Variants in MCM9 observed in about 807,000 individuals in gnomAD.
MCM9 encodes DNA helicase MCM9.
MCM9 carries 55 observed loss-of-function variants against 72.8 expected under a neutral mutation model. That is an observed-to-expected ratio of 0.76 (90% confidence interval 0.61 to 0.95). MCM9 has a LOEUF of 0.95. Ranked by LOEUF, MCM9 falls within the 40% of genes least tolerant of loss-of-function variation. MCM9 has a pLI of 0.00. For synonymous variants in MCM9, 480 were observed against 503.4 expected (o/e 0.95, Z 0.62); for missense variants, 1,279 against 1,377.0 (o/e 0.93, Z 1.13).
chr6:118,832,748 G>A (rs1484446337), intron 9 of MCM9, among the ~76,000 whole-genome samples: 1 of 152,136 alleles, frequency 6.6e-6, no homozygotes, highest in African/African-American at 2.4e-5. Flanking sequence ...TTAAGAAAGT[G>A]CCCTTGTTTT....
chr6:118,833,357 T>C (rs984894143), intron 9 of MCM9, among the ~76,000 whole-genome samples: 4 of 152,016 alleles, frequency 2.6e-5, no homozygotes, highest in Non-Finnish European at 5.9e-5. Context: ...GAAGCAAAAT[T>C]GAAAAAAGCT....
intron 9 of MCM9, among the ~76,000 whole-genome samples, chr6:118,835,801 A>G (rs1244783149): frequency 6.6e-6 from 1 of 152,194 alleles, no homozygotes; most frequent in Non-Finnish European, 1.5e-5. Context: ...GCAGACAGAA[A>G]CAATTTGACT....
intron 6 of MCM9, among the ~76,000 whole-genome samples, chr6:118,916,085 T>C (rs1206510406): frequency 6.6e-6 from 1 of 151,954 alleles, no homozygotes; most frequent in Non-Finnish European, 1.5e-5. Flanking sequence ...CTGTTCAGGC[T>C]GGGCACAGTG....
Position 118,933,869 on chromosome 6 carries a change from C to G in MCM9, c.-150+1022G>C, listed in dbSNP as rs181899480. Among the ~76,000 whole-genome samples the G allele has an allele frequency of 6.1e-5, 9 of 146,558 alleles. No homozygotes were observed. In the East Asian group the frequency reaches 1.8e-3, roughly 30 times the overall value. On this transcript the variant is annotated intron_variant, in intron 1 of 13. Coordinates refer to ENST00000619706, the MANE Select transcript of MCM9 (RefSeq NM_017696.3). ...GAGTGGAAATAAATTACGGCCTCCA[C>G]GGTAATTTGTTTTTGGTTAAGCAAT...
chr6:118,852,156 T>C (rs1776271462), intron 9 of MCM9, among the ~76,000 whole-genome samples: 1 of 152,218 alleles, frequency 6.6e-6, no homozygotes, highest in Non-Finnish European at 1.5e-5. Flanking sequence ...CAAAGGCATG[T>C]ATTTGTGCAT....
intron 8 of MCM9, among the ~76,000 whole-genome samples, chr6:118,899,637 TTAA>T (rs895957913): frequency 1.3e-5 from 2 of 152,218 alleles, no homozygotes; most frequent in African/African-American, 2.4e-5. Context: ...GATTGCTGAC[TTAA>T]TAAGAGAAAA....
At chr6:118,848,846 T>C (rs1027897380) in intron 9 of MCM9, among the ~76,000 whole-genome samples, 1 of 151,984 alleles carries the variant, frequency 6.6e-6, no homozygotes, top group Non-Finnish European at 1.5e-5. Context: ...TGCTTGAACC[T>C]GGGAGGAGCA....
chr6:118,917,601 G>T lies in MCM9; in HGVS notation c.864C>A (p.Phe288Leu), dbSNP rs564191556. 7 of 1,614,056 alleles carry T rather than the reference G, an allele frequency of 4.3e-6. No homozygotes were observed. The highest frequency in any genetic ancestry group is 1.3e-5 in the African/African-American group (1 of 75,004). The change falls in exon 6 of 14, where the codon TTC becomes TTA. Residue 288 changes from phenylalanine to leucine, a missense_variant. Phe to Leu is a conservative substitution (Grantham distance 22, BLOSUM62 0). Coordinates refer to ENST00000619706, the MANE Select transcript of MCM9 (RefSeq NM_017696.3). ...IIMDEEVQKE[F>L]EDFWEYYKSD... is the part of the protein sequence containing the mutation. ...TCTTATAGTATTCCCAAAAATCTTCGAATTCCTTTTGGACCTCCTCATCCA... is the reference window on the plus strand; with the variant it reads ...TCTTATAGTATTCCCAAAAATCTTCTAATTCCTTTTGGACCTCCTCATCCA...
intron 8 of MCM9, among the ~76,000 whole-genome samples, chr6:118,871,025 A>G (rs1777565752): frequency 6.6e-6 from 1 of 152,182 alleles, no homozygotes; most frequent in African/African-American, 2.4e-5. Flanking sequence ...CCAAACATAT[A>G]AAGAAGAATT....
intron 8 of MCM9, among the ~76,000 whole-genome samples, chr6:118,878,681 G>C (rs1253926415): frequency 6.6e-5 from 10 of 151,772 alleles, no homozygotes; most frequent in African/African-American, 2.4e-5. Flanking sequence ...TAACCCCCAA[G>C]GCAACTATTA....
chr6:118,906,319 T>C (rs1780175075), intron 8 of MCM9, among the ~76,000 whole-genome samples: 1 of 152,148 alleles, frequency 6.6e-6, no homozygotes, highest in South Asian at 2.1e-4. Flanking sequence ...GTGATCTGCC[T>C]ACCTTGACCT....
At chr6:118,872,789 T>C (rs895112426) in intron 8 of MCM9, among the ~76,000 whole-genome samples, 29 of 151,868 alleles carry the variant, frequency 1.9e-4, no homozygotes, top group African/African-American at 7.0e-4. Flanking sequence ...ATAATCTAAG[T>C]TCTCATCTTA....
intron 9 of MCM9, among the ~76,000 whole-genome samples, chr6:118,845,473 T>C (rs899136311): frequency 4.0e-5 from 6 of 151,836 alleles, no homozygotes; most frequent in Non-Finnish European, 5.9e-5. Context: ...ATTCTGTCTA[T>C]GCCCAGTGTA....
intron 8 of MCM9, among the ~76,000 whole-genome samples, chr6:118,899,026 C>G (rs1779623805): frequency 6.6e-6 from 1 of 152,150 alleles, no homozygotes; most frequent in Non-Finnish European, 1.5e-5. Context: ...TCCCCTACCC[C>G]ACATCACCTC....
chr6:118,833,027 A>G (rs1326015067), intron 9 of MCM9, among the ~76,000 whole-genome samples: 1 of 152,190 alleles, frequency 6.6e-6, no homozygotes, highest in Admixed American at 6.5e-5. Flanking sequence ...TCTGGCCCCT[A>G]AAAGCCTTCC....
At chr6:118,905,832 A>G in intron 8 of MCM9, 1 of 1,584,086 alleles carries the variant, frequency 6.3e-7, no homozygotes, top group Non-Finnish European at 8.6e-7. Flanking sequence ...TTCTAAGGTA[A>G]TGTTCTTACT....
intron 8 of MCM9, among the ~76,000 whole-genome samples, chr6:118,873,672 G>A (rs962078624): frequency 3.3e-5 from 5 of 152,116 alleles, no homozygotes; most frequent in African/African-American, 4.8e-5. Context: ...GACCAGATGG[G>A]TTCACTGGTA....
intron 8 of MCM9, among the ~76,000 whole-genome samples, chr6:118,860,437 GA>G (rs1776828831): frequency 6.6e-6 from 1 of 152,070 alleles, no homozygotes; most frequent in African/African-American, 2.4e-5. Context: ...AAACAAAAAA[GA>G]AGAGAATATC....
chr6:118,889,815 G>A (rs1479499528), intron 8 of MCM9, among the ~76,000 whole-genome samples: 1 of 152,218 alleles, frequency 6.6e-6, no homozygotes, highest in African/African-American at 2.4e-5. Context: ...TGCAAAAGGT[G>A]TTTTACAGTA....
Sources: allele counts gnomAD v4.1 joint callset (sites outside exome capture counted in the v4.1 genomes callset), GRCh38; gene constraint gnomAD v4.1.1; transcripts MANE v1.5; gene names NCBI Gene and HGNC (gene_info 2026-07-23, HGNC 2026-07-21).